NPAS3: variants seen among roughly 807,000 people sequenced by gnomAD.
NPAS3 encodes neuronal PAS domain-containing protein 3.
A neutral mutation model predicts 73.1 loss-of-function variants in NPAS3; 14 were observed. The observed-to-expected ratio is 0.19, with a 90% CI of 0.13 to 0.30. The LOEUF is 0.30. Ranked by LOEUF, NPAS3 falls within the 10% of genes least tolerant of loss-of-function variation. The pLI, the probability that NPAS3 is intolerant of heterozygous loss-of-function variation, is 1.00. For synonymous variants in NPAS3, 620 were observed against 541.5 expected (o/e 1.14, Z -2.01); for missense variants, 1,096 against 1,250.0 (o/e 0.88, Z 1.86).
chr14:33,691,220 G>T (rs1045164595), intron 6 of NPAS3, among the ~76,000 whole-genome samples: 6 of 152,194 alleles, frequency 3.9e-5, no homozygotes, highest in African/African-American at 7.2e-5. Context: ...GAAAAGAATT[G>T]CTGGTATTTG....
intron 1 of NPAS3, among the ~76,000 whole-genome samples, chr14:32,963,617 A>G (rs2037024610): frequency 6.6e-6 from 1 of 152,184 alleles, no homozygotes; most frequent in South Asian, 2.1e-4. Flanking sequence ...CCCTGGACAA[A>G]TAATCCAAGA....
chr14:33,427,215 T>A (rs765751696), intron 4 of NPAS3, among the ~76,000 whole-genome samples: 34 of 152,166 alleles, frequency 2.2e-4, no homozygotes, highest in Non-Finnish European at 4.3e-4. Flanking sequence ...TGGTCCTTGT[T>A]TGAGAAGACG....
intron 7 of NPAS3, among the ~76,000 whole-genome samples, chr14:33,740,346 C>G (rs990517115): frequency 2.4e-4 from 37 of 152,198 alleles, no homozygotes; most frequent in Non-Finnish European, 4.3e-4. Flanking sequence ...TTTCAAAAGC[C>G]TTCTTTCCAA....
chr14:33,643,432 G>A (rs2058735426), intron 5 of NPAS3, among the ~76,000 whole-genome samples: 1 of 148,444 alleles, frequency 6.7e-6, no homozygotes, highest in Non-Finnish European at 1.5e-5. Flanking sequence ...AAGAGACTGT[G>A]TAAAGTTAGC....
chr14:33,223,108 G>A (rs1398919670), intron 3 of NPAS3, among the ~76,000 whole-genome samples: 2 of 152,040 alleles, frequency 1.3e-5, no homozygotes, highest in East Asian at 3.9e-4. Context: ...TCAGGAGTTC[G>A]AGACCAGCCT....
At chr14:33,751,657 C>A (rs2061966563) in intron 7 of NPAS3, among the ~76,000 whole-genome samples, 1 of 152,182 alleles carries the variant, frequency 6.6e-6, no homozygotes, top group African/African-American at 2.4e-5. Flanking sequence ...CTTGAATATA[C>A]CATTTAGTAA....
chr14:32,955,294 A>G (rs2036630496), intron 1 of NPAS3, among the ~76,000 whole-genome samples: 1 of 152,160 alleles, frequency 6.6e-6, no homozygotes, highest in South Asian at 2.1e-4. Context: ...AGTGTACTCT[A>G]GTAAGTAGTG....
At chr14:33,336,193 A>C (rs1205251192) in intron 3 of NPAS3, among the ~76,000 whole-genome samples, 3 of 152,196 alleles carry the variant, frequency 2.0e-5, no homozygotes, top group African/African-American at 7.2e-5. Flanking sequence ...AATTACCACA[A>C]ACATAGCAGC....
intron 6 of NPAS3, among the ~76,000 whole-genome samples, chr14:33,684,105 G>T (rs2060018123): frequency 6.6e-6 from 1 of 151,906 alleles, no homozygotes; most frequent in Non-Finnish European, 1.5e-5. Flanking sequence ...GGAACTAGAT[G>T]GAAAAAGAAG....
intron 4 of NPAS3, among the ~76,000 whole-genome samples, chr14:33,420,610 G>A (rs917196533): frequency 6.6e-6 from 1 of 151,740 alleles, no homozygotes; most frequent in Admixed American, 6.6e-5. Flanking sequence ...AGATTGCAAA[G>A]CACAGATGGA....
chr14:33,803,077 A>C (rs1471775797), downstream of NPAS3: 1 of 152,228 alleles, frequency 6.6e-6, no homozygotes, highest in East Asian at 1.9e-4. Flanking sequence ...CAGATATATT[A>C]AATAAATTGA....
chr14:33,103,033 G>T (rs762455412), intron 2 of NPAS3, among the ~76,000 whole-genome samples: 15 of 152,150 alleles, frequency 9.9e-5, no homozygotes, highest in African/African-American at 1.9e-4. Context: ...ACTAAAGTTG[G>T]TGGTGACTAG....
chr14:32,987,168 A>G (rs1052526365), intron 1 of NPAS3, among the ~76,000 whole-genome samples: 3 of 152,158 alleles, frequency 2.0e-5, no homozygotes, highest in Admixed American at 2.0e-4. Flanking sequence ...AAAAGTCGGA[A>G]GGCTTTATTT....
At chr14:33,065,833 CA>C (rs1287405702) in intron 2 of NPAS3, among the ~76,000 whole-genome samples, 3 of 152,066 alleles carry the variant, frequency 2.0e-5, no homozygotes, top group Non-Finnish European at 2.9e-5. Context: ...TATTGCCTGT[CA>C]GGGGTGCTTA....
At chr14:33,286,698 T>TTTCTG in intron 3 of NPAS3, among the ~76,000 whole-genome samples, 1 of 152,280 alleles carries the variant, frequency 6.6e-6, no homozygotes, top group South Asian at 2.1e-4. Context: ...TTGGCTTTCT[T>TTTCTG]CTTAGTTTTT....
At chr14:33,095,512 A>AT (rs1037369470) in intron 2 of NPAS3, among the ~76,000 whole-genome samples, 37 of 152,276 alleles carry the variant, frequency 2.4e-4, no homozygotes, top group African/African-American at 8.2e-4. Context: ...AAAGAACTTC[A>AT]TTATGGCAAT....
chr14:33,384,653 C>T (rs1191948354), intron 4 of NPAS3, among the ~76,000 whole-genome samples: 1 of 152,086 alleles, frequency 6.6e-6, no homozygotes, highest in Admixed American at 6.6e-5. Context: ...CACTTGAACC[C>T]GGGGAGGTGG....
chr14:33,256,801 G>A (rs148538357), intron 3 of NPAS3, among the ~76,000 whole-genome samples: 31 of 152,140 alleles, frequency 2.0e-4, no homozygotes, highest in African/African-American at 7.0e-4. Context: ...TGTCAATATT[G>A]TTGACACACT....
In NPAS3 at chr14:33,318,122, A is replaced by T. The variant is rs572378151; in HGVS notation, c.386-49064A>T. Among the ~76,000 whole-genome samples the T allele has an allele frequency of 1.1e-4, 17 of 152,206 alleles. No individual in the cohort carries two copies. In the South Asian group the frequency reaches 2.3e-3, roughly 20 times the overall value. On this transcript the variant is annotated intron_variant, in intron 3 of 11. Coordinates refer to ENST00000356141, the Ensembl canonical transcript of NPAS3. ...TTCATTGACAGATGAATAGAATTTT[A>T]AAAAAGGGGTATATACGTACAAGGG...
Sources: gnomAD v4.1 joint callset for allele counts (sites outside exome capture counted in the v4.1 genomes callset) on GRCh38, gnomAD v4.1.1 for gene constraint, MANE v1.5 for transcripts, NCBI Gene and HGNC (gene_info 2026-07-23, HGNC 2026-07-21) for gene names.